SCARA3: variants seen among roughly 807,000 people sequenced by gnomAD.
SCARA3 encodes scavenger receptor class A member 3, also known as cellular stress response gene protein.
SCARA3 carries 39 observed loss-of-function variants against 47.0 expected under a neutral mutation model. The ratio of observed to expected loss-of-function variants is 0.83; its 90% CI spans 0.64 to 1.08. The LOEUF is 1.08. SCARA3 is among the 50% of genes least tolerant of loss of function. The pLI is 0.00. For synonymous variants in SCARA3, 356 were observed against 334.1 expected (o/e 1.07, Z -0.71); for missense variants, 724 against 792.3 (o/e 0.91, Z 1.04).
the SCARA3 span, among the ~76,000 whole-genome samples, chr8:27,707,545 A>T: frequency 3.5e-4 from 53 of 152,112 alleles, no homozygotes; most frequent in Admixed American, 7.9e-4. Context: ...AAAGTAGAAG[A>T]AAAAAAATGA....
chr8:27,680,002 A>G (rs1290139450), downstream of SCARA3: 1 of 152,196 alleles, frequency 6.6e-6, no homozygotes, highest in Non-Finnish European at 1.5e-5. Context: ...AAGAAAAAAA[A>G]TCAGAGAAAA....
At chr8:27,683,434 T>C in the SCARA3 span, among the ~76,000 whole-genome samples, 2 of 152,166 alleles carry the variant, frequency 1.3e-5, no homozygotes, top group Non-Finnish European at 2.9e-5. Flanking sequence ...TTTTTGTATA[T>C]AAACTATACA....
At chr8:27,694,683 A>C in the SCARA3 span, among the ~76,000 whole-genome samples, 1 of 152,158 alleles carries the variant, frequency 6.6e-6, no homozygotes, top group African/African-American at 2.4e-5. Flanking sequence ...GCTTACCTCC[A>C]TGATAATTTG....
At chr8:27,699,449 C>T in the SCARA3 span, among the ~76,000 whole-genome samples, 4 of 152,018 alleles carry the variant, frequency 2.6e-5, no homozygotes, top group Non-Finnish European at 5.9e-5. Context: ...AAGTGACCCT[C>T]CCACCTCAGC....
the SCARA3 span, among the ~76,000 whole-genome samples, chr8:27,684,101 G>T: frequency 3.9e-5 from 6 of 152,240 alleles, no homozygotes; most frequent in South Asian, 1.2e-3. Flanking sequence ...CATGAAAATG[G>T]TCTCTATGTT....
the SCARA3 span, among the ~76,000 whole-genome samples, chr8:27,723,621 C>G: frequency 6.6e-6 from 1 of 152,174 alleles, no homozygotes; most frequent in East Asian, 1.9e-4. Context: ...AGCTTCCTGG[C>G]CCAGATGACG....
chr8:27,651,703 A>G, intron 3 of SCARA3, 76 bp downstream of exon 3: 10 of 1,569,584 alleles, frequency 6.4e-6, no homozygotes, highest in Non-Finnish European at 8.7e-6. Flanking sequence ...GTTCCCCTGC[A>G]AAGACAAACA....
chr8:27,664,163 C>T (rs1801968226), intron 5 of SCARA3, among the ~76,000 whole-genome samples: 1 of 152,218 alleles, frequency 6.6e-6, no homozygotes, highest in Admixed American at 6.5e-5. Context: ...AATCTTCCCA[C>T]AGTATTTCAC....
the SCARA3 span, among the ~76,000 whole-genome samples, chr8:27,700,972 A>G: frequency 6.6e-6 from 1 of 152,206 alleles, no homozygotes; most frequent in South Asian, 2.1e-4. Context: ...CTATACCAAA[A>G]TTTGTACATA....
chr8:27,697,919 C>T, the SCARA3 span, among the ~76,000 whole-genome samples: 109 of 152,264 alleles, frequency 7.2e-4, no homozygotes, highest in African/African-American at 2.5e-3. Context: ...GTAAATTACC[C>T]GTCTTGGGTA....
At position 27,649,684 on chromosome 8, in the gene SCARA3, G is replaced by T. The variant is rs769919249; in HGVS notation, c.8-18G>T. 5.0e-6 allele frequency: 8 copies of T among 1,612,238 alleles called. No homozygotes were observed. In the South Asian group the frequency reaches 8.8e-5, roughly 18 times the overall value. On this transcript the variant is annotated intron_variant, in intron 1 of 5. Transcript: ENST00000301904. ...GCCTGGGATGGCTTTGGGTCTGACGGCACTGGCTTCATTATAGTGAGGTCG... is the reference window on the plus strand; with the variant it reads ...GCCTGGGATGGCTTTGGGTCTGACGTCACTGGCTTCATTATAGTGAGGTCG...
chr8:27,642,410 G>A (rs1487479850), intron 1 of SCARA3, among the ~76,000 whole-genome samples: 1 of 152,172 alleles, frequency 6.6e-6, no homozygotes, highest in African/African-American at 2.4e-5. Flanking sequence ...TCATTGAAGC[G>A]GACGATCTCC....
downstream of SCARA3, among the ~76,000 whole-genome samples, chr8:27,673,830 C>G (rs1385751329): frequency 6.6e-6 from 1 of 152,190 alleles, no homozygotes; most frequent in Non-Finnish European, 1.5e-5. Context: ...AGCCAGCACA[C>G]CAGCCCCTGC....
At chr8:27,667,990 TA>T (rs1448334850) in intron 5 of SCARA3, among the ~76,000 whole-genome samples, 1 of 152,122 alleles carries the variant, frequency 6.6e-6, no homozygotes, top group Non-Finnish European at 1.5e-5. Flanking sequence ...AGCTGTGGCT[TA>T]GGGGTGGATA....
At chr8:27,654,075 C>T (rs187689554) in intron 3 of SCARA3, among the ~76,000 whole-genome samples, 7 of 152,136 alleles carry the variant, frequency 4.6e-5, no homozygotes, top group East Asian at 1.9e-4. Context: ...CTTTTTTGAC[C>T]GTGCATCCCA....
the SCARA3 span, among the ~76,000 whole-genome samples, chr8:27,716,772 T>C: frequency 0.023 from 3,462 of 152,232 alleles, 129 homozygotes; most frequent in African/African-American, 0.08. Context: ...TCTCAAAGTA[T>C]CACCATGCCA....
Position 27,670,969 on chromosome 8 carries a change from G to C in SCARA3, c.1439G>C (p.Arg480Thr). ...GGCGTGAAAGGGCCTGTTGGCGGCA[G>C]AGGCCCGAAAGGAGACCCCGGCAGC... ...DMGVKGPVGG[R>T]GPKGDPGSLG... Residue 480 changes from arginine to threonine, a missense_variant, in exon 6 of 6, where the codon AGA (arginine) becomes ACA (threonine). Coordinates refer to ENST00000301904, the MANE Select transcript of SCARA3 (RefSeq NM_016240.3). 1.9e-6 allele frequency: 3 copies of C among 1,601,732 alleles called. No individual in the cohort carries two copies. Among genetic ancestry groups the C allele is most frequent in the Non-Finnish European group, 2.6e-6 (3 of 1,176,370 alleles).
At chr8:27,695,699 G>T in the SCARA3 span, among the ~76,000 whole-genome samples, 2 of 151,850 alleles carry the variant, frequency 1.3e-5, no homozygotes, top group African/African-American at 4.8e-5. Context: ...TTATAAAAAA[G>T]AACAAATGGA....
At chr8:27,728,684 A>G in the SCARA3 span, among the ~76,000 whole-genome samples, 25,954 of 152,198 alleles carry the variant, frequency 0.17, 2,883 homozygotes, top group Middle Eastern at 0.27. Flanking sequence ...TCTGATTTAA[A>G]TGAGAAGAAC....
Sources: allele counts gnomAD v4.1 joint callset (sites outside exome capture counted in the v4.1 genomes callset), GRCh38; gene constraint gnomAD v4.1.1; transcripts MANE v1.5; gene names NCBI Gene and HGNC (gene_info 2026-07-23, HGNC 2026-07-21).